The following TMC1 variants were observed in gnomAD, a reference collection of about 807,000 sequenced individuals.
The protein encoded by TMC1 is transmembrane channel like 1, also known as transmembrane channel-like protein 1.
A neutral mutation model predicts 105.8 loss-of-function variants in TMC1; 84 were observed. The ratio of observed to expected loss-of-function variants is 0.79; its 90% CI spans 0.67 to 0.95. The LOEUF (loss-of-function observed/expected upper bound fraction) is 0.95, where lower values mean the gene tolerates loss of function less well. Among genes scored for constraint, TMC1 ranks in the 40% least tolerant of loss-of-function variants. The pLI is 0.00. For missense variants in TMC1, 817 were observed against 914.1 expected (o/e 0.89, Z 1.37); for synonymous variants, 315 against 311.5 (o/e 1.01, Z -0.12).
intron 5 of TMC1, 36 bp downstream of exon 5, chr9:72,648,700 T>G (rs746719279): frequency 2.5e-6 from 4 of 1,582,944 alleles, no homozygotes; most frequent in Middle Eastern, 1.7e-4. Flanking sequence ...TAGGACACTA[T>G]GTCTTTCTGA....
intron 5 of TMC1, chr9:72,651,739 G>A (rs1825817394): frequency 6.6e-6 from 1 of 152,100 alleles, no homozygotes; most frequent in African/African-American, 2.4e-5. Flanking sequence ...TTGAGTAGAA[G>A]GGAAATTTTT....
At chr9:72,579,334 G>C (rs1163135171) in intron 2 of TMC1, among the ~76,000 whole-genome samples, 2 of 152,120 alleles carry the variant, frequency 1.3e-5, no homozygotes, top group African/African-American at 4.8e-5. Context: ...CTGCTCTCCA[G>C]GACTCTGCCT....
intron 8 of TMC1, among the ~76,000 whole-genome samples, chr9:72,731,931 G>A (rs1444827): frequency 0.23 from 34,756 of 151,978 alleles, 4,286 homozygotes; most frequent in East Asian, 0.39. Flanking sequence ...CTTGTTTGTT[G>A]GTAATTAGAT....
chr9:72,721,502 T>C (rs577541070), intron 8 of TMC1, among the ~76,000 whole-genome samples: 7 of 152,374 alleles, frequency 4.6e-5, no homozygotes, highest in African/African-American at 1.4e-4. Flanking sequence ...TAGACTTGTT[T>C]GTTTTTCTCT....
At chr9:72,827,078 A>G in intron 21 of TMC1, 84 bp downstream of exon 21, 4 of 1,567,660 alleles carry the variant, frequency 2.6e-6, no homozygotes. Context: ...CAGCTCTCTC[A>G]CTCTCCCTAA....
chr9:72,524,104 T>C (rs1000568608), intron 1 of TMC1, among the ~76,000 whole-genome samples: 2 of 152,206 alleles, frequency 1.3e-5, no homozygotes, highest in Non-Finnish European at 2.9e-5. Flanking sequence ...TAATAGACTG[T>C]AGCATCTTTT....
chr9:72,789,034 A>G (rs1828217985), intron 14 of TMC1, 89 bp from the exon 15 acceptor site: 2 of 1,298,858 alleles, frequency 1.5e-6, no homozygotes, highest in South Asian at 1.2e-5. Flanking sequence ...TGATTGTAAA[A>G]ATAACTTTTG....
chr9:72,725,343 A>ATATATATATG lies in TMC1; in HGVS notation c.363-14767_363-14766insGTATATATAT, dbSNP rs1827099877. Among the ~76,000 whole-genome samples, 6 of 94,482 alleles carry ATATATATATG rather than the reference A, an allele frequency of 6.4e-5. No individual in the cohort carries two copies. In the South Asian group the frequency reaches 2.5e-3, roughly 39 times the overall value. The allele number at this position is 94,482 out of a possible 152,430, so 62.0% of individuals were successfully genotyped here. ...TGTGTATGTATATATATATATATAT[A>ATATATATATG]TATATATATATATATATATATATAT... On this transcript the variant is annotated intron_variant, in intron 8 of 23. Coordinates refer to ENST00000297784, the MANE Select transcript of TMC1 (RefSeq NM_138691.3).
At chr9:72,830,601 ACT>A in intron 22 of TMC1, 28 bp from the exon 23 acceptor site, 1 of 1,611,558 alleles carries the variant, frequency 6.2e-7, no homozygotes, top group Non-Finnish European at 8.5e-7. Flanking sequence ...TGAGAAATCT[ACT>A]TTTTTCCCCT....
intron 22 of TMC1, 25 bp from the exon 23 acceptor site, chr9:72,830,606 T>C: frequency 6.2e-7 from 1 of 1,612,816 alleles, no homozygotes; most frequent in Non-Finnish European, 8.5e-7. Context: ...AATCTACTTT[T>C]TTCCCCTTAT....
rs75222505 is a variant in TMC1 at position 72,625,689 on chromosome 9, A to G, written c.-195-2232A>G. 4.1e-3 allele frequency among the ~76,000 whole-genome samples: 610 copies of G among 148,334 alleles called. 5 individuals carry two copies. Among genetic ancestry groups the G allele is most frequent in the African/African-American group, 0.014 (585 of 40,744 alleles). On this transcript the variant is annotated intron_variant, in intron 3 of 23. Transcript: ENST00000297784. ...GGTGACAGAGCGAGACTCTGTCTCA[A>G]AAAAAAAAAAAAGAAAAAAAAAAAG...
intron 13 of TMC1, among the ~76,000 whole-genome samples, chr9:72,778,179 A>G (rs1402001746): frequency 1.3e-5 from 2 of 152,182 alleles, no homozygotes; most frequent in African/African-American, 2.4e-5. Flanking sequence ...ATCCTCAAGA[A>G]TTTTAAATAG....
At chr9:72,698,499 G>T (rs1826588080) in intron 7 of TMC1, among the ~76,000 whole-genome samples, 1 of 151,996 alleles carries the variant, frequency 6.6e-6, no homozygotes, top group African/African-American at 2.4e-5. Flanking sequence ...ATACTGAATT[G>T]GATTACAATT....
chr9:72,593,997 A>G (rs1052423409), intron 2 of TMC1, among the ~76,000 whole-genome samples: 1 of 152,188 alleles, frequency 6.6e-6, no homozygotes, highest in African/African-American at 2.4e-5. Flanking sequence ...GTATGAGAGT[A>G]TACTCATCAT....
rs370872111 is a variant in TMC1, at chr9:72,789,120, C to T, written c.1030-3C>T. On this transcript the variant is annotated splice_polypyrimidine_tract_variant and splice_region_variant and intron_variant, in intron 14 of 23. Coordinates refer to ENST00000297784, the MANE Select transcript of TMC1 (RefSeq NM_138691.3). ...GTTTGTTTGTTTGTTTTCATGGATA[C>T]AGGAAGCTATCACAGAAGAAAAAGC... 14 of 1,611,960 alleles carry T rather than the reference C, an allele frequency of 8.7e-6. No homozygotes were observed. In the African/African-American group the frequency reaches 1.6e-4, roughly 18 times the overall value.
chr9:72,764,515 T>C (rs565464889), intron 12 of TMC1, among the ~76,000 whole-genome samples: 35 of 152,330 alleles, frequency 2.3e-4, no homozygotes, highest in African/African-American at 7.2e-4. Context: ...AATTAGACAG[T>C]AGGAAAAATT....
At chr9:72,831,707 G>A (rs112776530) in intron 23 of TMC1, among the ~76,000 whole-genome samples, 1 of 151,938 alleles carries the variant, frequency 6.6e-6, no homozygotes, top group African/African-American at 2.4e-5. Context: ...TTGTCCTTGC[G>A]ATAGTTTGCT....
At chr9:72,828,350 C>T (rs1334488986) in intron 21 of TMC1, among the ~76,000 whole-genome samples, 1 of 151,968 alleles carries the variant, frequency 6.6e-6, no homozygotes, top group Non-Finnish European at 1.5e-5. Context: ...CTTCTGAGAG[C>T]ATGTTAATCA....
chr9:72,602,091 A>G (rs958418753), intron 2 of TMC1, among the ~76,000 whole-genome samples: 2 of 152,152 alleles, frequency 1.3e-5, no homozygotes, highest in Non-Finnish European at 2.9e-5. Context: ...TGTGGTGTCA[A>G]GTCAATGCTC....
Sources: gnomAD v4.1 joint callset for allele counts (sites outside exome capture counted in the v4.1 genomes callset) on GRCh38, gnomAD v4.1.1 for gene constraint, MANE v1.5 for transcripts, NCBI Gene and HGNC (gene_info 2026-07-23, HGNC 2026-07-21) for gene names.